JMJD1C: variants seen among roughly 807,000 people sequenced by gnomAD.
JMJD1C encodes the protein jumonji domain containing 1C.
A neutral mutation model predicts 245.3 loss-of-function variants in JMJD1C; 31 were observed. The ratio of observed to expected loss-of-function variants is 0.13; its 90% CI spans 0.09 to 0.17. The LOEUF is 0.17. Among genes scored for constraint, JMJD1C ranks in the 10% least tolerant of loss-of-function variants. The pLI is 1.00. For missense variants in JMJD1C, 2,691 were observed against 3,000.2 expected (o/e 0.90, Z 2.41); for synonymous variants, 1,057 against 1,017.4 (o/e 1.04, Z -0.74).
chr10:63,373,683 A>C (rs1416757865), intron 2 of JMJD1C, among the ~76,000 whole-genome samples: 1 of 152,230 alleles, frequency 6.6e-6, no homozygotes, highest in East Asian at 1.9e-4. Context: ...AATTAAAGAC[A>C]AAGTATTAGT....
At chr10:63,197,915 T>A (rs558189082) in intron 12 of JMJD1C, among the ~76,000 whole-genome samples, 1 of 152,330 alleles carries the variant, frequency 6.6e-6, no homozygotes, top group East Asian at 1.9e-4. Flanking sequence ...AACATATCCT[T>A]AACTCCCTCA....
intron 22 of JMJD1C, among the ~76,000 whole-genome samples, chr10:63,179,286 G>A (rs1339377592): frequency 6.6e-6 from 1 of 152,032 alleles, no homozygotes; most frequent in African/African-American, 2.4e-5. Context: ...GCACATGCCT[G>A]TAATCCCAGC....
Position 63,458,193 on chromosome 10 carries a change from A to G in JMJD1C, c.168+7302T>C, listed in dbSNP as rs189075471. ...TCAGATTAAGAATTTTATATCTAAT[A>G]AAAGTGTGAAGCTGGATGCCATGGC... is the stretch of plus-strand genomic sequence containing the variant. On this transcript the variant is annotated intron_variant, in intron 1 of 25. Coordinates refer to ENST00000399262, the MANE Select transcript of JMJD1C (RefSeq NM_032776.3). Among the ~76,000 whole-genome samples the G allele has an allele frequency of 4.0e-3, 610 of 152,318 alleles. 4 individuals carry two copies. Among genetic ancestry groups the G allele is most frequent in the Middle Eastern group, 6.8e-3 (2 of 294 alleles).
intron 1 of JMJD1C, among the ~76,000 whole-genome samples, chr10:63,424,368 G>A (rs1441314316): frequency 6.6e-5 from 10 of 151,518 alleles, no homozygotes; most frequent in Non-Finnish European, 1.3e-4. Flanking sequence ...CACATGGCCT[G>A]TATTTTTGAA....
chr10:63,226,909 C>CA (rs1041441708), intron 3 of JMJD1C, among the ~76,000 whole-genome samples: 18 of 150,960 alleles, frequency 1.2e-4, no homozygotes, highest in East Asian at 2.0e-4. Context: ...CTAAAAAATA[C>CA]AAAAAAAATG....
intron 2 of JMJD1C, among the ~76,000 whole-genome samples, chr10:63,361,710 T>G (rs1945342846): frequency 1.1e-5 from 1 of 89,410 alleles, no homozygotes. Context: ...AGAACAATAC[T>G]GTCTCAACTA....
chr10:63,224,119 T>C (rs1056816686), intron 3 of JMJD1C, among the ~76,000 whole-genome samples: 1 of 152,304 alleles, frequency 6.6e-6, no homozygotes, highest in South Asian at 2.1e-4. Flanking sequence ...TACAAATATT[T>C]TTCCAACAAT....
At chr10:63,234,630 G>A (rs1850493099) in intron 3 of JMJD1C, among the ~76,000 whole-genome samples, 1 of 149,310 alleles carries the variant, frequency 6.7e-6, no homozygotes, top group Admixed American at 6.7e-5. Flanking sequence ...TAAAAAGAAC[G>A]AGTTATTTAA....
intron 2 of JMJD1C, chr10:63,268,908 A>G (rs1855958157): frequency 1.0e-6 from 1 of 985,746 alleles, no homozygotes; most frequent in African/African-American, 1.7e-5. Flanking sequence ...GCTGTAACCT[A>G]ACAAGTCTCC....
chr10:63,190,488 C>T (rs919391938), intron 17 of JMJD1C, among the ~76,000 whole-genome samples: 13 of 152,160 alleles, frequency 8.5e-5, no homozygotes, highest in African/African-American at 2.7e-4. Context: ...AGGTGTGAGC[C>T]GCCGCACCCG....
intron 1 of JMJD1C, among the ~76,000 whole-genome samples, chr10:63,402,061 G>C (rs1261504706): frequency 2.6e-5 from 4 of 151,596 alleles, no homozygotes; most frequent in African/African-American, 9.7e-5. Flanking sequence ...TTGAACCTGG[G>C]AGGCAGAGTT....
intron 5 of JMJD1C, among the ~76,000 whole-genome samples, chr10:63,216,495 G>C (rs1039683190): frequency 6.6e-6 from 1 of 152,058 alleles, no homozygotes; most frequent in South Asian, 2.1e-4. Flanking sequence ...CAGATCACGA[G>C]GTCAGGAAAT....
At chr10:63,300,792 TGAGG>T (rs1859985964) in intron 2 of JMJD1C, among the ~76,000 whole-genome samples, 1 of 151,390 alleles carries the variant, frequency 6.6e-6, no homozygotes, top group South Asian at 2.1e-4. Flanking sequence ...CTTGGGAGGC[TGAGG>T]GACAAGAATC....
At chr10:63,485,218 T>C (rs1027189598) in intron 1 of JMJD1C, among the ~76,000 whole-genome samples, 4 of 152,120 alleles carry the variant, frequency 2.6e-5, no homozygotes, top group African/African-American at 9.7e-5. Context: ...TGCTTTTTGT[T>C]TGTCTGTTTT....
intron 1 of JMJD1C, among the ~76,000 whole-genome samples, chr10:63,505,051 G>A (rs187383862): frequency 7.7e-4 from 117 of 152,214 alleles, no homozygotes; most frequent in African/African-American, 1.7e-3. Context: ...AGTGGCTCAC[G>A]CCTATAACCC....
chr10:63,360,206 A>G (rs1468043683), intron 2 of JMJD1C, among the ~76,000 whole-genome samples: 2 of 152,032 alleles, frequency 1.3e-5, no homozygotes, highest in African/African-American at 4.8e-5. Flanking sequence ...TAGAAGAATG[A>G]TCCTCTCACC....
chr10:63,288,591 G>A (rs183915793), intron 2 of JMJD1C, among the ~76,000 whole-genome samples: 1 of 152,228 alleles, frequency 6.6e-6, no homozygotes, highest in East Asian at 1.9e-4. Flanking sequence ...TGCTCTTATT[G>A]TTGAGTTTTA....
intron 2 of JMJD1C, among the ~76,000 whole-genome samples, chr10:63,293,104 C>G (rs1858977598): frequency 6.6e-6 from 1 of 152,076 alleles, no homozygotes; most frequent in South Asian, 2.1e-4. Context: ...CAAGTATTTT[C>G]CCCAGGAAGA....
intron 2 of JMJD1C, among the ~76,000 whole-genome samples, chr10:63,359,897 A>C (rs1313111987): frequency 6.6e-6 from 1 of 152,156 alleles, no homozygotes; most frequent in East Asian, 1.9e-4. Context: ...TTGGATCTGC[A>C]TATTTTCCTA....
Sources: allele counts gnomAD v4.1 joint callset (sites outside exome capture counted in the v4.1 genomes callset), GRCh38; gene constraint gnomAD v4.1.1; transcripts MANE v1.5; gene names NCBI Gene and HGNC (gene_info 2026-07-23, HGNC 2026-07-21).